VAV3: variants seen among roughly 807,000 people sequenced by gnomAD.
VAV3 encodes guanine nucleotide exchange factor VAV3.
VAV3 carries 94 observed loss-of-function variants against 131.2 expected under a neutral mutation model. That is an observed-to-expected ratio of 0.72 (90% CI 0.61 to 0.85). The LOEUF is 0.85. Ranked by LOEUF, VAV3 falls within the 40% of genes least tolerant of loss-of-function variation. The pLI is 0.00. For synonymous variants in VAV3, 349 were observed against 342.0 expected, an observed-to-expected ratio of 1.02 and a Z score of -0.22; for missense variants, 939 against 1,002.7, an observed-to-expected ratio of 0.94 and a Z score of 0.86.
chr1:107,761,042 C>A (rs1203845933), intron 9 of VAV3, among the ~76,000 whole-genome samples, 163 bp from the exon 10 acceptor site: 1 of 152,150 alleles, frequency 6.6e-6, no homozygotes, highest in Admixed American at 6.6e-5. Context: ...AAAAACAAAT[C>A]TTGTAGTACT....
intron 1 of VAV3, among the ~76,000 whole-genome samples, chr1:107,940,024 G>C (rs1344361530): frequency 1.3e-5 from 2 of 152,144 alleles, no homozygotes; most frequent in Non-Finnish European, 2.9e-5. Context: ...AGACGATTTT[G>C]AAGTGATGGA....
At chr1:107,776,557 G>T (rs1327447080) in intron 4 of VAV3, among the ~76,000 whole-genome samples, 1 of 152,152 alleles carries the variant, frequency 6.6e-6, no homozygotes, top group African/African-American at 2.4e-5. Flanking sequence ...CAGTGTGTTG[G>T]GTGTATGAGG....
chr1:107,941,804 C>T (rs9435347), intron 1 of VAV3, among the ~76,000 whole-genome samples: 92,265 of 152,052 alleles, frequency 0.61, 29,848 homozygotes, highest in Middle Eastern at 0.76. Flanking sequence ...CTAACATATT[C>T]CTCAATGTTT....
intron 2 of VAV3, among the ~76,000 whole-genome samples, chr1:107,852,132 T>C (rs1170225848): frequency 6.6e-6 from 1 of 152,200 alleles, no homozygotes; most frequent in Non-Finnish European, 1.5e-5. Flanking sequence ...TTGAATTGTT[T>C]ATTAAAATGG....
intron 15 of VAV3, among the ~76,000 whole-genome samples, chr1:107,705,625 CATTT>C (rs1319615465): frequency 4.6e-5 from 7 of 152,030 alleles, no homozygotes; most frequent in African/African-American, 1.4e-4. Flanking sequence ...ATAATTTTAC[CATTT>C]ATTTTATATT....
intron 1 of VAV3, among the ~76,000 whole-genome samples, chr1:107,903,708 C>G (rs1282428861): frequency 6.6e-6 from 1 of 152,154 alleles, no homozygotes. Context: ...TGTTGAAAAA[C>G]TCCATCTACC....
Position 107,572,627 on chromosome 1 carries a change from TC to T in VAV3, c.*703del, listed in dbSNP as rs1234842149. 2.6e-5 allele frequency: 4 copies of T among 152,776 alleles called. No homozygotes were observed. The highest frequency in any genetic ancestry group is 7.2e-5 in the African/African-American group (3 of 41,594). 9.5% of individuals were successfully genotyped at this position (152,776 alleles called of 1,614,324 possible). ...GAAGGTTTAATATGAAGACACCCTC[TC>T]TTTTGTGTGCTTTTTTCACCTTTTA... On this transcript the variant is annotated 3_prime_UTR_variant, in exon 27 of 27. Coordinates refer to ENST00000370056, the MANE Select transcript of VAV3 (RefSeq NM_006113.5).
intron 2 of VAV3, among the ~76,000 whole-genome samples, chr1:107,850,780 C>T (rs1227327170): frequency 6.6e-6 from 1 of 152,062 alleles, no homozygotes; most frequent in Non-Finnish European, 1.5e-5. Flanking sequence ...TAGAGCCAGA[C>T]TGATCAACTA....
chr1:107,672,920 C>T (rs1657922242), intron 19 of VAV3, among the ~76,000 whole-genome samples: 1 of 152,042 alleles, frequency 6.6e-6, no homozygotes, highest in Non-Finnish European at 1.5e-5. Context: ...TCTCATACCC[C>T]AATAATATGT....
intron 2 of VAV3, among the ~76,000 whole-genome samples, chr1:107,858,248 T>C (rs535892018): frequency 5.9e-5 from 9 of 152,330 alleles, no homozygotes; most frequent in African/African-American, 1.9e-4. Context: ...AGATTAAAAA[T>C]GTGATCTTCA....
intron 1 of VAV3, among the ~76,000 whole-genome samples, chr1:107,891,095 G>C (rs1239240919): frequency 6.6e-6 from 1 of 151,584 alleles, no homozygotes; most frequent in Non-Finnish European, 1.5e-5. Context: ...TCCACAGATG[G>C]TCCTGGTTCA....
At chr1:107,722,269 A>G (rs2101925209) in intron 15 of VAV3, among the ~76,000 whole-genome samples, 1 of 152,324 alleles carries the variant, frequency 6.6e-6, no homozygotes. Flanking sequence ...TACATTAGAG[A>G]AACTCAGAGT....
chr1:107,957,306 C>T (rs189257647), intron 1 of VAV3, among the ~76,000 whole-genome samples: 56 of 151,316 alleles, frequency 3.7e-4, no homozygotes, highest in Admixed American at 9.8e-4. Flanking sequence ...TCCCTCTATT[C>T]ACCTCCTTTC....
intron 20 of VAV3, among the ~76,000 whole-genome samples, chr1:107,624,174 C>A (rs1469972975): frequency 6.6e-6 from 1 of 152,066 alleles, no homozygotes; most frequent in Non-Finnish European, 1.5e-5. Context: ...AAGCCATAAG[C>A]TGTAGATTTG....
rs181946371 is a variant in VAV3 at position 107,682,632 on chromosome 1, C to T, written c.1777+856G>A. The stretch of plus-strand genomic sequence containing the variant: ...ACAGCTCATAAACTGGCAATGCTAC[C>T]ATGGGTGTGGTTTCAGTTATAAACT... On this transcript the variant is annotated intron_variant, in intron 19 of 26. Transcript: ENST00000370056. Among the ~76,000 whole-genome samples, 137 of 152,268 alleles carry T rather than the reference C, an allele frequency of 9.0e-4. 1 individual carries two copies. The highest frequency in any genetic ancestry group is 1.4e-3 in the Admixed American group (21 of 15,296).
At chr1:107,605,866 G>A (rs374852024) in intron 22 of VAV3, among the ~76,000 whole-genome samples, 9 of 152,116 alleles carry the variant, frequency 5.9e-5, no homozygotes, top group East Asian at 1.9e-4. Flanking sequence ...AAACACTTCC[G>A]GTCCCAAGCA....
chr1:107,873,737 C>T (rs994202863), intron 2 of VAV3, among the ~76,000 whole-genome samples: 2 of 152,132 alleles, frequency 1.3e-5, no homozygotes, highest in African/African-American at 4.8e-5. Context: ...ATCTTAGAAA[C>T]CACCTTCTTA....
At chr1:107,741,055 A>G (rs59290916) in intron 15 of VAV3, among the ~76,000 whole-genome samples, 1,562 of 152,338 alleles carry the variant, frequency 0.01, 32 homozygotes, top group African/African-American at 0.033. Context: ...CAGGAAGGGA[A>G]GAGAGGACTA....
intron 20 of VAV3, among the ~76,000 whole-genome samples, chr1:107,639,679 C>G (rs1467614933): frequency 6.6e-6 from 1 of 152,098 alleles, no homozygotes; most frequent in African/African-American, 2.4e-5. Flanking sequence ...AAGACTGGCT[C>G]ATGCTTGTAA....
Sources: gnomAD v4.1 joint callset for allele counts (sites outside exome capture counted in the v4.1 genomes callset) on GRCh38, gnomAD v4.1.1 for gene constraint, MANE v1.5 for transcripts, NCBI Gene and HGNC (gene_info 2026-07-23, HGNC 2026-07-21) for gene names.